OPCML: variants seen among roughly 807,000 people sequenced by gnomAD.
OPCML encodes opioid binding protein/cell adhesion molecule like.
A neutral mutation model predicts 37.8 loss-of-function variants in OPCML; 13 were observed. That is an observed-to-expected ratio of 0.34 (90% CI 0.22 to 0.55). The LOEUF (loss-of-function observed/expected upper bound fraction) is 0.55. Among genes scored for constraint, OPCML ranks in the 20% least tolerant of loss-of-function variants. The pLI is 0.91. For missense variants in OPCML, 341 were observed against 435.6 expected, an observed-to-expected ratio of 0.78 and a Z score of 1.93; for synonymous variants, 176 against 168.8, an observed-to-expected ratio of 1.04 and a Z score of -0.33.
intron 1 of OPCML, among the ~76,000 whole-genome samples, chr11:133,359,292 C>T (rs1377192314): frequency 6.6e-6 from 1 of 152,170 alleles, no homozygotes; most frequent in Non-Finnish European, 1.5e-5. Flanking sequence ...TCTGTGGCTG[C>T]TGAGCTGATG....
intron 3 of OPCML, among the ~76,000 whole-genome samples, chr11:132,534,736 A>G (rs1277945408): frequency 1.3e-5 from 2 of 152,118 alleles, no homozygotes; most frequent in South Asian, 2.1e-4. Flanking sequence ...TCATCTGTAC[A>G]ATGGGGATGA....
chr11:133,454,655 CAG>C (rs1946640929), intron 1 of OPCML, among the ~76,000 whole-genome samples: 1 of 152,054 alleles, frequency 6.6e-6, no homozygotes, highest in Non-Finnish European at 1.5e-5. Flanking sequence ...AAAAGAAAAA[CAG>C]AGTCTAGAAA....
intron 1 of OPCML, among the ~76,000 whole-genome samples, chr11:133,277,521 T>TTGC (rs1942027352): frequency 6.6e-6 from 1 of 152,186 alleles, no homozygotes; most frequent in African/African-American, 2.4e-5. Flanking sequence ...AACACCACTG[T>TTGC]TGCTGTTGGG....
At chr11:133,015,771 A>G (rs1190510610) in intron 1 of OPCML, among the ~76,000 whole-genome samples, 1 of 152,122 alleles carries the variant, frequency 6.6e-6, no homozygotes, top group Non-Finnish European at 1.5e-5. Flanking sequence ...GCTGCAACTG[A>G]TCTTGGCTCC....
At chr11:133,344,894 T>C (rs1409475493) in intron 1 of OPCML, among the ~76,000 whole-genome samples, 1 of 152,144 alleles carries the variant, frequency 6.6e-6, no homozygotes, top group Non-Finnish European at 1.5e-5. Context: ...GGACACCTCT[T>C]AGGAGCTTGC....
chr11:133,347,667 C>A (rs1039641304), intron 1 of OPCML, among the ~76,000 whole-genome samples: 1 of 152,180 alleles, frequency 6.6e-6, no homozygotes, highest in South Asian at 2.1e-4. Context: ...TTGGACATAG[C>A]AGCATGCTAT....
chr11:132,745,290 T>C (rs1793264), intron 2 of OPCML, among the ~76,000 whole-genome samples: 16,033 of 152,124 alleles, frequency 0.11, 1,021 homozygotes, highest in African/African-American at 0.17. Flanking sequence ...CCATGTTCCA[T>C]GAAACTCACC....
At chr11:133,165,006 G>A (rs144463853) in intron 1 of OPCML, among the ~76,000 whole-genome samples, 8 of 152,308 alleles carry the variant, frequency 5.3e-5, no homozygotes, top group Non-Finnish European at 7.4e-5. Context: ...TGATTTAAGG[G>A]TAAATGAACT....
At chr11:132,561,533 G>T (rs905242631) in intron 3 of OPCML, among the ~76,000 whole-genome samples, 1 of 152,134 alleles carries the variant, frequency 6.6e-6, no homozygotes, top group African/African-American at 2.4e-5. Context: ...CCTGGTCCAG[G>T]GCCTGGGACA....
intron 2 of OPCML, among the ~76,000 whole-genome samples, chr11:132,815,184 A>G (rs547641778): frequency 5.8e-4 from 89 of 152,248 alleles, no homozygotes; most frequent in African/African-American, 2.1e-3. Flanking sequence ...TCATTCTTCC[A>G]TGAGTCACCT....
At chr11:132,900,596 T>C (rs937249968) in intron 2 of OPCML, among the ~76,000 whole-genome samples, 1 of 152,214 alleles carries the variant, frequency 6.6e-6, no homozygotes, top group Non-Finnish European at 1.5e-5. Context: ...TTAATAGAAA[T>C]GAAGCTCCTA....
chr11:133,026,636 C>T (rs1947560653), intron 1 of OPCML: 9 of 965,688 alleles, frequency 9.3e-6, no homozygotes, highest in Admixed American at 6.2e-5. Flanking sequence ...CATGACTTGC[C>T]TCTTGTTGTT....
chr11:132,534,708 G>C (rs2096335647), intron 3 of OPCML, among the ~76,000 whole-genome samples: 1 of 152,144 alleles, frequency 6.6e-6, no homozygotes, highest in Admixed American at 6.6e-5. Flanking sequence ...TATTTACTGA[G>C]TCTAAGCCCA....
At chr11:132,617,446 G>T (rs1421491329) in intron 3 of OPCML, among the ~76,000 whole-genome samples, 2 of 152,142 alleles carry the variant, frequency 1.3e-5, no homozygotes, top group African/African-American at 4.8e-5. Context: ...GTGCAGAATG[G>T]AACTCAAACC....
intron 3 of OPCML, among the ~76,000 whole-genome samples, chr11:132,568,733 A>G (rs1167826776): frequency 6.6e-6 from 1 of 152,184 alleles, no homozygotes; most frequent in Non-Finnish European, 1.5e-5. Context: ...CTGTGAGAGA[A>G]TACATTTCCG....
At chr11:133,427,508 G>T (rs190091492) in intron 1 of OPCML, among the ~76,000 whole-genome samples, 190 of 151,604 alleles carry the variant, frequency 1.3e-3, no homozygotes, top group Admixed American at 6.3e-3. Context: ...CTATTAGAAA[G>T]AAAAATTTAA....
intron 1 of OPCML, among the ~76,000 whole-genome samples, chr11:133,064,414 C>T (rs1034703712): frequency 2.0e-5 from 3 of 152,242 alleles, no homozygotes; most frequent in Non-Finnish European, 4.4e-5. Flanking sequence ...ACACCCCTTT[C>T]CCTGGTAGCT....
At chr11:132,421,339 G>A (rs932588328) in intron 7 of OPCML, among the ~76,000 whole-genome samples, 3 of 152,108 alleles carry the variant, frequency 2.0e-5, no homozygotes, top group Non-Finnish European at 4.4e-5. Flanking sequence ...GAGATTCAAA[G>A]GAGACAGTAC....
intron 1 of OPCML, among the ~76,000 whole-genome samples, chr11:133,018,243 C>G (rs1322579443): frequency 6.6e-6 from 1 of 152,026 alleles, no homozygotes; most frequent in African/African-American, 2.4e-5. Flanking sequence ...GAAATTGGCC[C>G]CCTATTAAAA....
Sources: gnomAD v4.1 joint callset for allele counts (sites outside exome capture counted in the v4.1 genomes callset) on GRCh38, gnomAD v4.1.1 for gene constraint, MANE v1.5 for transcripts, NCBI Gene and HGNC (gene_info 2026-07-23, HGNC 2026-07-21) for gene names.